Variants in GNAQ observed in about 807,000 individuals in gnomAD.
The protein encoded by GNAQ is G protein subunit alpha q.
A neutral mutation model predicts 43.9 loss-of-function variants in GNAQ; 8 were observed. The ratio of observed to expected loss-of-function variants is 0.18; its 90% CI spans 0.11 to 0.33. The LOEUF (loss-of-function observed/expected upper bound fraction) is 0.33, where lower values mean the gene tolerates loss of function less well. Among genes scored for constraint, GNAQ ranks in the 10% least tolerant of loss-of-function variants. The pLI is 1.00. For synonymous variants in GNAQ, 155 were observed against 170.7 expected (o/e 0.91, Z 0.71); for missense variants, 158 against 450.8 (o/e 0.35, Z 5.88).
intron 5 of GNAQ, among the ~76,000 whole-genome samples, chr9:77,782,095 A>C (rs1826403115): frequency 6.6e-6 from 1 of 152,100 alleles, no homozygotes; most frequent in African/African-American, 2.4e-5. Flanking sequence ...TCTGAAAAAA[A>C]CTAACTTAAA....
chr9:77,777,742 T>C (rs1050066481), intron 5 of GNAQ, among the ~76,000 whole-genome samples: 2 of 151,956 alleles, frequency 1.3e-5, no homozygotes, highest in African/African-American at 4.8e-5. Context: ...CATTAGCCTT[T>C]AGGGAAATAA....
intron 2 of GNAQ, among the ~76,000 whole-genome samples, chr9:77,902,888 C>A (rs1208345347): frequency 6.6e-6 from 1 of 152,136 alleles, no homozygotes; most frequent in East Asian, 1.9e-4. Context: ...TTTTACTTCA[C>A]GTATTCCTTC....
chr9:77,782,147 T>A (rs1055800102), intron 5 of GNAQ, among the ~76,000 whole-genome samples: 8 of 151,894 alleles, frequency 5.3e-5, no homozygotes, highest in African/African-American at 1.9e-4. Context: ...ACCTGCACAA[T>A]GTGCACATGT....
chr9:77,837,511 G>A (rs1404827971), intron 2 of GNAQ, among the ~76,000 whole-genome samples: 1 of 152,020 alleles, frequency 6.6e-6, no homozygotes, highest in African/African-American at 2.4e-5. Context: ...CTGAGATTAT[G>A]CCACTGCACT....
At chr9:77,842,413 A>G (rs1392159522) in intron 2 of GNAQ, among the ~76,000 whole-genome samples, 1 of 152,018 alleles carries the variant, frequency 6.6e-6, no homozygotes, top group Admixed American at 6.5e-5. Context: ...CTGAGAAAAT[A>G]AATTGGTTTT....
chr9:77,971,944 ACTCT>A (rs1411286143), intron 1 of GNAQ, among the ~76,000 whole-genome samples: 1 of 151,466 alleles, frequency 6.6e-6, no homozygotes, highest in Non-Finnish European at 1.5e-5. Flanking sequence ...TCATGACTTG[ACTCT>A]CTGTTTGTGT....
In GNAQ at chr9:77,958,370, GA is replaced by G. The variant is rs952184971; in HGVS notation, c.137-36026del. Among the ~76,000 whole-genome samples, 1,107 of 145,512 alleles carry G rather than the reference GA, an allele frequency of 7.6e-3. 16 individuals are homozygous for G. Among genetic ancestry groups the G allele is most frequent in the African/African-American group, 0.027 (1,054 of 39,720 alleles). ...TTAGTTTTAACAACTGACCAGAAAA[GA>G]AAAAAAAAAGGAAGTAGAAAAGTAC... On this transcript the variant is annotated intron_variant, in intron 1 of 6. Transcript: ENST00000286548.
At chr9:78,019,610 C>G (rs550123608) in intron 1 of GNAQ, among the ~76,000 whole-genome samples, 1 of 152,120 alleles carries the variant, frequency 6.6e-6, no homozygotes, top group African/African-American at 2.4e-5. Context: ...TTTTGAATGT[C>G]GGTCATAATT....
chr9:77,975,840 T>C (rs1823295161), intron 1 of GNAQ, among the ~76,000 whole-genome samples: 1 of 152,038 alleles, frequency 6.6e-6, no homozygotes, highest in Admixed American at 6.5e-5. Context: ...TCAGCCCCGT[T>C]ATCGGCCTTT....
intron 5 of GNAQ, among the ~76,000 whole-genome samples, chr9:77,751,359 A>C (rs983426374): frequency 6.6e-6 from 1 of 152,234 alleles, no homozygotes; most frequent in Non-Finnish European, 1.5e-5. Flanking sequence ...GGTTTCCCTA[A>C]TTGAATACAT....
chr9:77,789,182 T>A (rs1178552193), intron 5 of GNAQ, among the ~76,000 whole-genome samples: 1 of 152,186 alleles, frequency 6.6e-6, no homozygotes, highest in African/African-American at 2.4e-5. Context: ...TTCATGTGAT[T>A]TATTTTATCC....
intron 1 of GNAQ, among the ~76,000 whole-genome samples, chr9:78,023,068 T>C (rs1307627287): frequency 6.6e-6 from 1 of 152,210 alleles, no homozygotes; most frequent in Non-Finnish European, 1.5e-5. Context: ...CATCCGATTC[T>C]GAAACCCACT....
At chr9:77,906,901 C>T (rs1828718558) in intron 2 of GNAQ, among the ~76,000 whole-genome samples, 1 of 152,184 alleles carries the variant, frequency 6.6e-6, no homozygotes, top group Admixed American at 6.5e-5. Context: ...AAAGTTAAAT[C>T]TCAGTATGTG....
chr9:78,013,562 T>C (rs1334837962), intron 1 of GNAQ, among the ~76,000 whole-genome samples: 1 of 151,318 alleles, frequency 6.6e-6, no homozygotes, highest in East Asian at 2.0e-4. Flanking sequence ...ATATATCCAA[T>C]GTTGCCTCTG....
intron 2 of GNAQ, among the ~76,000 whole-genome samples, chr9:77,870,657 G>C (rs1828023801): frequency 1.3e-5 from 2 of 151,848 alleles, no homozygotes; most frequent in South Asian, 4.2e-4. Flanking sequence ...CCAATGGCTA[G>C]GTCTCACTCC....
chr9:77,904,044 A>C (rs935429791), intron 2 of GNAQ, among the ~76,000 whole-genome samples: 1 of 152,162 alleles, frequency 6.6e-6, no homozygotes, highest in Admixed American at 6.5e-5. Flanking sequence ...ATCAACTTGG[A>C]TAATTTGGCT....
At chr9:77,870,324 G>GTTT (rs781464413) in intron 2 of GNAQ, among the ~76,000 whole-genome samples, 35 of 111,088 alleles carry the variant, frequency 3.2e-4, no homozygotes, top group East Asian at 5.4e-4. Context: ...TTTGGTGCTA[G>GTTT]TTTTTTTTTT....
At chr9:77,835,378 G>A (rs1156744568) in intron 2 of GNAQ, among the ~76,000 whole-genome samples, 1 of 151,850 alleles carries the variant, frequency 6.6e-6, no homozygotes, top group East Asian at 1.9e-4. Context: ...TTATATTTAT[G>A]CAGCTGCTAC....
intron 2 of GNAQ, among the ~76,000 whole-genome samples, chr9:77,917,877 TAC>T (rs1169428871): frequency 6.6e-6 from 1 of 152,178 alleles, no homozygotes; most frequent in Non-Finnish European, 1.5e-5. Flanking sequence ...GGACAACAGA[TAC>T]ACACTCGGGG....
Sources: allele counts gnomAD v4.1 joint callset (sites outside exome capture counted in the v4.1 genomes callset), GRCh38; gene constraint gnomAD v4.1.1; transcripts MANE v1.5; gene names NCBI Gene and HGNC (gene_info 2026-07-23, HGNC 2026-07-21).